PUDP: variants seen among roughly 807,000 people sequenced by gnomAD.
PUDP encodes the protein pseudouridine 5'-phosphatase.
In PUDP, 8 loss-of-function variants were observed where a neutral mutation model predicts 9.4. That is an observed-to-expected ratio of 0.85 (90% CI 0.50 to 1.53). The LOEUF (loss-of-function observed/expected upper bound fraction) is 1.53. PUDP is among the 40% of genes most tolerant of loss of function. The probability of loss-of-function intolerance (pLI) is 0.00; values close to 1 mark genes in which losing one functional copy is unlikely to be tolerated. For missense variants in PUDP, 188 were observed against 189.7 expected (o/e 0.99, Z 0.05); for synonymous variants, 99 against 80.7 (o/e 1.23, Z -1.22).
At chrX:7,059,788 G>GAGA (rs1237099562) in intron 3 of PUDP, among the ~76,000 whole-genome samples, 1 of 112,216 alleles carries the variant, frequency 8.9e-6, no homozygotes, top group African/African-American at 3.2e-5. Context: ...CTGCTTTTGA[G>GAGA]AGAAGCTACA....
chrX:6,898,962 A>G (rs1927633211), intron 3 of PUDP, among the ~76,000 whole-genome samples: 1 of 111,394 alleles, frequency 9.0e-6, no homozygotes, highest in African/African-American at 3.3e-5. Context: ...TACCCAAGAG[A>G]AGGTCTTTCT....
intron 3 of PUDP, among the ~76,000 whole-genome samples, chrX:6,865,888 A>G (rs1422401349): frequency 9.2e-6 from 1 of 108,875 alleles, no homozygotes; most frequent in Non-Finnish European, 1.9e-5. Flanking sequence ...AAGTACGCAC[A>G]GCAATGGAAA....
intron 3 of PUDP, among the ~76,000 whole-genome samples, chrX:6,925,176 G>A (rs1451325025): frequency 1.8e-5 from 2 of 112,226 alleles, no homozygotes; most frequent in Admixed American, 9.4e-5. Context: ...TTAGCTGGGT[G>A]TGGTGGTGCA....
chrX:6,986,521 G>A (rs1348170998), intron 1 of PUDP, among the ~76,000 whole-genome samples: 4 of 111,767 alleles, frequency 3.6e-5, no homozygotes, highest in South Asian at 3.8e-4. Context: ...GGCCACAGAA[G>A]TCTGAAAGAG....
chrX:6,984,937 T>C (rs781715422), intron 1 of PUDP, among the ~76,000 whole-genome samples: 62 of 112,049 alleles, frequency 5.5e-4, no homozygotes, highest in Non-Finnish European at 7.9e-4. Flanking sequence ...CCTGAGCCAT[T>C]ATGGGGCTGG....
intron 2 of PUDP, among the ~76,000 whole-genome samples, chrX:7,096,081 G>A (rs1435785304): frequency 8.9e-6 from 1 of 111,951 alleles, no homozygotes; most frequent in Non-Finnish European, 1.9e-5. Context: ...TCCCAGGCAG[G>A]AAGTGCTCTG....
intron 3 of PUDP, among the ~76,000 whole-genome samples, chrX:6,900,903 G>T (rs1463884753): frequency 1.8e-5 from 2 of 109,900 alleles, no homozygotes; most frequent in Non-Finnish European, 3.8e-5. Flanking sequence ...TCAGCCTCCT[G>T]AGTAGCTGGG....
At chrX:6,733,928 C>T (rs1255639191) in intron 3 of PUDP, among the ~76,000 whole-genome samples, 1 of 108,559 alleles carries the variant, frequency 9.2e-6, no homozygotes, top group Non-Finnish European at 1.9e-5. Context: ...CAGGTGCCTG[C>T]CACCATGCCC....
chrX:6,816,254 A>C (rs1474252992), intron 3 of PUDP, among the ~76,000 whole-genome samples: 1 of 105,793 alleles, frequency 9.5e-6, no homozygotes, highest in Non-Finnish European at 1.9e-5. Context: ...TATGCAGTGT[A>C]TATATATTAC....
At chrX:6,726,472 T>C (rs916985660), upstream of PUDP, among the ~76,000 whole-genome samples, 2 of 112,036 alleles carry the variant, frequency 1.8e-5, no homozygotes, top group African/African-American at 6.5e-5. Flanking sequence ...TTTGAGGTGA[T>C]AGATATGCTA....
At chrX:6,991,752 ATTTG>A (rs1209880330) in intron 1 of PUDP, among the ~76,000 whole-genome samples, 1 of 110,383 alleles carries the variant, frequency 9.1e-6, no homozygotes, top group Non-Finnish European at 1.9e-5. Context: ...TATTTTCCCC[ATTTG>A]TTTGATAACT....
chrX:7,094,795 A>G (rs1434452253), intron 2 of PUDP, among the ~76,000 whole-genome samples: 1 of 112,197 alleles, frequency 8.9e-6, no homozygotes, highest in Non-Finnish European at 1.9e-5. Flanking sequence ...GTTAAACGGA[A>G]AAGGAACACA....
chrX:7,113,017 A>AT (rs750298180), intron 1 of PUDP: 3 of 112,393 alleles, frequency 2.7e-5, no homozygotes, highest in Non-Finnish European at 5.6e-5. Context: ...CAAAAAGATT[A>AT]AAGCCCGTGT....
intron 1 of PUDP, among the ~76,000 whole-genome samples, chrX:7,015,934 C>T (rs902661536): frequency 6.3e-5 from 7 of 110,284 alleles, no homozygotes; most frequent in South Asian, 3.9e-4. Context: ...AATTAGAGTC[C>T]GATTTTTAGG....
chrX:6,841,557 T>C (rs1267570461), intron 3 of PUDP, among the ~76,000 whole-genome samples: 1 of 110,075 alleles, frequency 9.1e-6, no homozygotes, highest in Non-Finnish European at 1.9e-5. Flanking sequence ...GCCATGTTCA[T>C]GCCACTGCAC....
intron 2 of PUDP, among the ~76,000 whole-genome samples, chrX:7,086,852 G>T (rs745356032): frequency 4.9e-4 from 55 of 111,986 alleles, no homozygotes; most frequent in Non-Finnish European, 7.9e-4. Context: ...CCTATATCCT[G>T]GACGTAAGAC....
At chrX:7,067,370 C>T (rs891091368) in intron 3 of PUDP, among the ~76,000 whole-genome samples, 3 of 111,540 alleles carry the variant, frequency 2.7e-5, no homozygotes, top group African/African-American at 9.8e-5. Flanking sequence ...TGCAGTGCCC[C>T]AAGTTCCCCA....
chrX:7,105,254 A>T (rs1462434561), intron 2 of PUDP, among the ~76,000 whole-genome samples: 1 of 110,448 alleles, frequency 9.1e-6, no homozygotes, highest in Non-Finnish European at 1.9e-5. Context: ...AGTTGCTGAA[A>T]TATTAATCCT....
chrX:6,748,884 T>C (rs1265745799), intron 3 of PUDP, among the ~76,000 whole-genome samples: 3 of 111,880 alleles, frequency 2.7e-5, no homozygotes, highest in African/African-American at 9.8e-5. Flanking sequence ...ATTTGGCAAG[T>C]ATGTTGAGAA....
Sources: allele counts gnomAD v4.1 joint callset (sites outside exome capture counted in the v4.1 genomes callset), GRCh38; gene constraint gnomAD v4.1.1; transcripts MANE v1.5; gene names NCBI Gene and HGNC (gene_info 2026-07-23, HGNC 2026-07-21).